Variants in ITPR1 observed in about 807,000 individuals in gnomAD.
ITPR1 encodes the protein inositol 1,4,5-trisphosphate-gated calcium channel ITPR1.
Under a neutral mutation model 318.4 loss-of-function variants are expected in ITPR1, and 96 were observed. The observed-to-expected ratio is 0.30, with a 90% CI of 0.26 to 0.36. The LOEUF is 0.36. Among genes scored for constraint, ITPR1 ranks in the 10% least tolerant of loss-of-function variants. The pLI, the probability that ITPR1 is intolerant of heterozygous loss-of-function variation, is 1.00. For missense variants in ITPR1, 2,440 were observed against 3,460.2 expected (o/e 0.71, Z 7.40); for synonymous variants, 1,312 against 1,289.9 (o/e 1.02, Z -0.37).
intron 4 of ITPR1, among the ~76,000 whole-genome samples, chr3:4,537,835 A>G (rs1216567313): frequency 2.6e-5 from 4 of 152,184 alleles, no homozygotes; most frequent in Non-Finnish European, 5.9e-5. Context: ...TTAAGCCACT[A>G]CGTTTTTGAT....
At chr3:4,660,776 T>C (rs2093814955) in intron 13 of ITPR1, among the ~76,000 whole-genome samples, 2 of 152,222 alleles carry the variant, frequency 1.3e-5, no homozygotes, top group Admixed American at 6.5e-5. Context: ...TATATAACAG[T>C]AACTGTAGAG....
At chr3:4,803,334 G>C (rs1050244968) in intron 54 of ITPR1, among the ~76,000 whole-genome samples, 10 of 152,218 alleles carry the variant, frequency 6.6e-5, no homozygotes, top group African/African-American at 2.4e-4. Context: ...TTCAGACAAA[G>C]AGGGTATCAC....
chr3:4,702,683 C>T, intron 35 of ITPR1, 147 bp from the exon 36 acceptor site: 1 of 829,242 alleles, frequency 1.2e-6, no homozygotes, highest in Non-Finnish European at 1.9e-6. Context: ...CCCCTCTCAC[C>T]CTTGCCTCAG....
intron 11 of ITPR1, among the ~76,000 whole-genome samples, chr3:4,652,942 C>T (rs1264953754): frequency 6.6e-6 from 1 of 152,044 alleles, no homozygotes; most frequent in African/African-American, 2.4e-5. Context: ...GACCCGAGAT[C>T]GCACCACTGC....
chr3:4,711,004 G>A (rs1455895222), intron 38 of ITPR1, among the ~76,000 whole-genome samples: 2 of 151,980 alleles, frequency 1.3e-5, no homozygotes, highest in Non-Finnish European at 2.9e-5. Context: ...CTGAGGTCAG[G>A]GGTTCAAGAC....
At chr3:4,701,721 C>T (rs943002347) in intron 35 of ITPR1, among the ~76,000 whole-genome samples, 5 of 152,048 alleles carry the variant, frequency 3.3e-5, no homozygotes, top group African/African-American at 7.2e-5. Flanking sequence ...TCATGCGTGA[C>T]GGGAAGGTAA....
chr3:4,703,945 A>G (rs1205600303), intron 36 of ITPR1, among the ~76,000 whole-genome samples: 3 of 152,204 alleles, frequency 2.0e-5, no homozygotes, highest in Non-Finnish European at 4.4e-5. Flanking sequence ...AGATAACCCT[A>G]TACTTTTTCC....
At chr3:4,642,275 A>G (rs2125153176) in intron 7 of ITPR1, 24 bp downstream of exon 7, 1 of 1,491,056 alleles carries the variant, frequency 6.7e-7, no homozygotes, top group Non-Finnish European at 8.9e-7. Flanking sequence ...CTCCACCTAG[A>G]AAGTCTTCCG....
chr3:4,560,193 T>A (rs1382459936), intron 4 of ITPR1, among the ~76,000 whole-genome samples: 1 of 152,206 alleles, frequency 6.6e-6, no homozygotes, highest in Non-Finnish European at 1.5e-5. Flanking sequence ...ATTTGGCATA[T>A]ATATGGATTG....
intron 2 of ITPR1, among the ~76,000 whole-genome samples, chr3:4,500,164 C>T (rs2080913157): frequency 1.3e-5 from 2 of 152,198 alleles, no homozygotes; most frequent in South Asian, 4.1e-4. Flanking sequence ...TCGGCCTTTT[C>T]TCCAAGGAGC....
intron 40 of ITPR1, among the ~76,000 whole-genome samples, chr3:4,723,755 G>A (rs145377022): frequency 6.6e-6 from 1 of 152,024 alleles, no homozygotes; most frequent in African/African-American, 2.4e-5. Context: ...GTGAATCCAT[G>A]CCTATAATTC....
chr3:4,602,860 A>G (rs1389241376), intron 4 of ITPR1, among the ~76,000 whole-genome samples: 1 of 151,454 alleles, frequency 6.6e-6, no homozygotes, highest in Non-Finnish European at 1.5e-5. Flanking sequence ...GAGAATGGGG[A>G]GTGACTATTA....
chr3:4,775,530 G>A (rs2046430114), intron 47 of ITPR1, 88 bp downstream of exon 47: 1 of 1,000,328 alleles, frequency 1.0e-6, no homozygotes, highest in Non-Finnish European at 1.5e-6. Context: ...CACGAAGCCT[G>A]TGCCTGTTGG....
At chr3:4,827,838 C>A (rs3805024) in intron 60 of ITPR1, among the ~76,000 whole-genome samples, 91,663 of 152,102 alleles carry the variant, frequency 0.6, 27,835 homozygotes, top group Middle Eastern at 0.7. Flanking sequence ...TCCACATGGC[C>A]GATGATCTCT....
intron 45 of ITPR1, among the ~76,000 whole-genome samples, chr3:4,766,987 T>C (rs1230832214): frequency 6.6e-6 from 1 of 152,272 alleles, no homozygotes; most frequent in Non-Finnish European, 1.5e-5. Flanking sequence ...CTGTGATTCC[T>C]ATTCAATGTT....
intron 44 of ITPR1, among the ~76,000 whole-genome samples, chr3:4,743,233 T>G (rs1375940417): frequency 6.6e-6 from 1 of 152,240 alleles, no homozygotes; most frequent in African/African-American, 2.4e-5. Context: ...ACACCCTTCT[T>G]CACCATTCCC....
intron 4 of ITPR1, among the ~76,000 whole-genome samples, chr3:4,575,017 TA>T (rs2088476574): frequency 6.6e-6 from 1 of 152,258 alleles, no homozygotes; most frequent in Admixed American, 6.5e-5. Flanking sequence ...GGATGGTGCT[TA>T]CACATGGGTG....
At chr3:4,567,182 A>G (rs1232663952) in intron 4 of ITPR1, among the ~76,000 whole-genome samples, 1 of 152,234 alleles carries the variant, frequency 6.6e-6, no homozygotes, top group African/African-American at 2.4e-5. Context: ...GCATTAATTG[A>G]AGAGAAGTGG....
At chr3:4,724,158 A>G (rs964865601) in intron 40 of ITPR1, among the ~76,000 whole-genome samples, 1 of 152,090 alleles carries the variant, frequency 6.6e-6, no homozygotes, top group African/African-American at 2.4e-5. Flanking sequence ...TCTCCCTGAG[A>G]TTAGTGGAGT....
Sources: gnomAD v4.1 joint callset for allele counts (sites outside exome capture counted in the v4.1 genomes callset) on GRCh38, gnomAD v4.1.1 for gene constraint, MANE v1.5 for transcripts, NCBI Gene and HGNC (gene_info 2026-07-23, HGNC 2026-07-21) for gene names.